Variants in SLX4 observed in about 807,000 individuals in gnomAD.
SLX4 encodes the protein structure-specific endonuclease subunit SLX4.
SLX4 carries 112 observed loss-of-function variants against 146.2 expected under a neutral mutation model. The ratio of observed to expected loss-of-function variants is 0.77; its 90% CI spans 0.66 to 0.90. The LOEUF (loss-of-function observed/expected upper bound fraction) is 0.90, where lower values mean the gene tolerates loss of function less well. SLX4 is among the 40% of genes least tolerant of loss of function. The pLI is 0.00. For synonymous variants in SLX4, 1,061 were observed against 997.7 expected (o/e 1.06, Z -1.20); for missense variants, 2,563 against 2,392.7 (o/e 1.07, Z -1.49).
intron 5 of SLX4, among the ~76,000 whole-genome samples, chr16:3,599,293 A>G (rs2040701594): frequency 6.6e-6 from 1 of 152,124 alleles, no homozygotes; most frequent in African/African-American, 2.4e-5. Flanking sequence ...GGCGGGACAA[A>G]CAGCTATCGC....
chr16:3,583,187 G>A lies in SLX4; in HGVS notation c.5063C>T (p.Pro1688Leu), dbSNP rs2151116555. Residue 1688 changes from proline to leucine, a missense_variant, in exon 14 of 15, where the codon CCA (proline) becomes CTA (leucine). Transcript: ENST00000294008. ...PSRSPTKEAP[P>L]GLNDDAQIPA... Reference sequence around the variant, plus strand: ...GATCTGGGCGTCATCATTGAGGCCTGGAGGTGCCTCCTTGGTGGGCGACCT... The same window carrying A: ...GATCTGGGCGTCATCATTGAGGCCTAGAGGTGCCTCCTTGGTGGGCGACCT... 1.2e-6 allele frequency: 2 copies of A among 1,614,222 alleles called. No individual in the cohort carries two copies. Among genetic ancestry groups the A allele is most frequent in the Non-Finnish European group, 8.5e-7 (1 of 1,180,028 alleles).
At chr16:3,600,181 C>T (rs924863634) in intron 5 of SLX4, among the ~76,000 whole-genome samples, 1 of 152,226 alleles carries the variant, frequency 6.6e-6, no homozygotes, top group African/African-American at 2.4e-5. Flanking sequence ...AGATTCCATG[C>T]ATGTGCGGCT....
At position 3,591,006 on chromosome 16, in the gene SLX4, C is replaced by T. The variant is rs1482431209; in HGVS notation, c.2632G>A (p.Asp878Asn). The change falls in exon 12 of 15, where the codon GAC becomes AAC. Residue 878 changes from aspartate (D) to asparagine (N), a missense_variant. By Grantham distance (23) the Asp-to-Asn change is conservative (BLOSUM62 1). Coordinates refer to ENST00000294008, the MANE Select transcript of SLX4 (RefSeq NM_032444.4). The stretch of plus-strand genomic sequence containing the variant: ...ACCGGACTGCCACCCTCCAGCCAGT[C>T]AGCGTCCTCGCCGGCACCCGCTGCC... The part of the protein sequence containing the change: ...ERAAGAGEDA[D>N]WLEGGSPVSG... The T allele has an allele frequency of 2.5e-6, 4 of 1,614,094 alleles. No individual in the cohort carries two copies. Among genetic ancestry groups the T allele is most frequent in the Non-Finnish European group, 3.4e-6 (4 of 1,180,060 alleles).
chr16:3,582,390 C>T lies in SLX4; in HGVS notation c.5457G>A (p.Gln1819=), dbSNP rs1471160430. The part of the protein sequence containing the change: ...TTAATRREKL[Q]GRRRQPRGKK... ...TGCCCCGAGGCTGCCGCCTCCTGCCCTGGAGCTTCTCCCTGCGGGTGGCGG... is the reference window on the plus strand; with the variant it reads ...TGCCCCGAGGCTGCCGCCTCCTGCCTTGGAGCTTCTCCCTGCGGGTGGCGG... The change falls in exon 15 of 15, where the codon CAG becomes CAA. Residue 1819 remains glutamine, a synonymous_variant. Coordinates refer to ENST00000294008, the MANE Select transcript of SLX4 (RefSeq NM_032444.4). 2.9e-5 allele frequency: 46 copies of T among 1,613,760 alleles called. No homozygotes were observed. The highest frequency in any genetic ancestry group is 1.7e-4 in the Middle Eastern group (1 of 6,008).
intron 3 of SLX4, 34 bp downstream of exon 3, chr16:3,606,440 C>A: frequency 6.2e-7 from 1 of 1,608,234 alleles, no homozygotes; most frequent in East Asian, 2.2e-5. Flanking sequence ...ATTAACTTAT[C>A]TCTGTGTGGA....
rs779865784 is a variant in SLX4, at chr16:3,590,156, A to G, written c.3482T>C (p.Leu1161Pro). 6.8e-6 allele frequency: 11 copies of G among 1,614,088 alleles called. No homozygotes were observed. The highest frequency in any genetic ancestry group is 2.7e-5 in the African/African-American group (2 of 74,922). ...CTTCATTTTGGTTTGTTCTAGCTCC[A>G]GCTCCTCATCCGAGTCCAGTAAGAG... Reference protein sequence around the residue: ...VILLLDSDEELELEQTKMKSI... With the variant: ...VILLLDSDEEPELEQTKMKSI... Residue 1161 changes from leucine (L) to proline (P), a missense_variant, in exon 12 of 15, where the codon CTG becomes CCG. Physicochemically the swap from Leu to Pro is moderately conservative, Grantham distance 98 (BLOSUM62 -3). Coordinates refer to ENST00000294008, the MANE Select transcript of SLX4 (RefSeq NM_032444.4). The surrounding 1 kb of genome is among the most constrained non-coding windows in gnomAD (Gnocchi z 4.8).
chr16:3,590,304 T>C lies in SLX4; in HGVS notation c.3334A>G (p.Lys1112Glu), dbSNP rs570382990. ...ERRSVLECRN[K>E]GVLMFPEKSP... ...TTTTCTGGGAACATCAGGACCCCCTTATTTCTGCACTCCAGCACGGACCGA... is the reference window on the plus strand; with the variant it reads ...TTTTCTGGGAACATCAGGACCCCCTCATTTCTGCACTCCAGCACGGACCGA... The change falls in exon 12 of 15, where the codon AAG becomes GAG. Residue 1112 changes from lysine to glutamate, a missense_variant. Physicochemically the swap from Lys to Glu is moderately conservative, Grantham distance 56. Transcript: ENST00000294008. This position sits in a 1 kb window ranked among gnomAD's most constrained non-coding sequence, Gnocchi z 4.8. The C allele has an allele frequency of 1.2e-6, 2 of 1,613,922 alleles. No individual in the cohort carries two copies. The highest frequency in any genetic ancestry group is 1.7e-6 in the Non-Finnish European group (2 of 1,179,996).
rs1158558800 is a variant in SLX4, at chr16:3,589,388, C to A, written c.4250G>T (p.Ser1417Ile). 6.3e-7 allele frequency: 1 copy of A among 1,594,996 alleles called. No homozygotes were observed. Among genetic ancestry groups the A allele is most frequent in the Admixed American group, 1.7e-5 (1 of 59,024 alleles). ...HQANRSPPLD[S>I]DPPIPIDDCC... ...GTCGTCAATTGGAATTGGGGGGTCA[C>A]TGTCCAGTGGGGGGCTTCTGTTGGC... Residue 1417 changes from serine to isoleucine, a missense_variant, in exon 12 of 15, where the codon AGT (serine) becomes ATT (isoleucine). By Grantham distance (142) the Ser-to-Ile change is moderately radical. Transcript: ENST00000294008. This position sits in a 1 kb window ranked among gnomAD's most constrained non-coding sequence, Gnocchi z 6.2.
In SLX4 at chr16:3,606,657, A is replaced by C. The variant is rs760477564; in HGVS notation, c.577T>G (p.Leu193Val). The C allele has an allele frequency of 6.2e-7, 1 of 1,614,076 alleles. No individual in the cohort carries two copies. Among genetic ancestry groups the C allele is most frequent in the Admixed American group, 1.7e-5 (1 of 59,988 alleles). ...NSDSQPPPSCLTTAVPSPSKP... is the reference protein window; with the variant it reads ...NSDSQPPPSCVTTAVPSPSKP... ...GAGGGACTTGGCACTGCTGTTGTCA[A>C]ACAGGAAGGAGGAGGCTGGGAGTCG... is the stretch of plus-strand genomic sequence containing the variant. The change falls in exon 3 of 15, where the codon TTG becomes GTG. Residue 193 changes from leucine to valine, a missense_variant. Leu to Val is a conservative substitution (Grantham distance 32, BLOSUM62 1). Transcript: ENST00000294008.
In SLX4 at chr16:3,582,337, C is replaced by T. The variant is rs765169386; in HGVS notation, c.*5G>A. 6 of 1,609,132 alleles carry T rather than the reference C, an allele frequency of 3.7e-6. No individual in the cohort carries two copies. In the Admixed American group the frequency reaches 1.0e-4, roughly 27 times the overall value. ...GCAGGTTGGGGTGGGGTCGGGATGG[C>T]CCCATCAGTTCCGCTCCACCTTCTT... On this transcript the variant is annotated 3_prime_UTR_variant, in exon 15 of 15. Coordinates refer to ENST00000294008, the MANE Select transcript of SLX4 (RefSeq NM_032444.4).
At chr16:3,596,108 C>T (rs1161201101) in intron 8 of SLX4, 45 bp downstream of exon 8, 4 of 1,535,722 alleles carry the variant, frequency 2.6e-6, no homozygotes, top group Non-Finnish European at 3.5e-6. Context: ...GGAGGGGAGG[C>T]CCGGGAGGGC....
At chr16:3,586,292 G>A (rs182536622) in intron 12 of SLX4, among the ~76,000 whole-genome samples, 108 of 152,184 alleles carry the variant, frequency 7.1e-4, no homozygotes, top group Middle Eastern at 6.8e-3. Context: ...TACCATCAGT[G>A]GGGTATTAGA....
At position 3,582,625 on chromosome 16, in the gene SLX4, C is replaced by A; in HGVS notation, c.5222G>T (p.Ser1741Ile). 1 of 1,613,610 alleles carries A rather than the reference C, an allele frequency of 6.2e-7. No homozygotes were observed. The highest frequency in any genetic ancestry group is 1.1e-5 in the South Asian group (1 of 91,088). ...AGEEEGEGEV[S>I]ASQAAVQAAD... ...CGCCTGCACGGCTGCCTGCGAGGCA[C>A]TGACCTCCCCCTCGCCCTCCTCTTC... The change falls in exon 15 of 15, where the codon AGT (serine) becomes ATT (isoleucine). Residue 1741 changes from serine (S) to isoleucine (I), a missense_variant. By Grantham distance (142) the Ser-to-Ile change is moderately radical (BLOSUM62 -2). Transcript: ENST00000294008.
rs923199206 is a variant in SLX4, at chr16:3,582,053, AAAAAG to A, written c.*284_*288del. The A allele has an allele frequency of 1.8e-5, 9 of 503,258 alleles. No homozygotes were observed. Among genetic ancestry groups the A allele is most frequent in the African/African-American group, 3.8e-5 (2 of 52,438 alleles). The allele number at this position is 503,258 out of a possible 1,614,324, so 31.2% of individuals were successfully genotyped here. ...GCACGACTGTCTCAAAAAGAAAAAA[AAAAAG>A]AAAACCAAAAAGGGAGACACACTGT... On this transcript the variant is annotated 3_prime_UTR_variant, in exon 15 of 15. Coordinates refer to ENST00000294008, the MANE Select transcript of SLX4 (RefSeq NM_032444.4).
Position 3,590,987 on chromosome 16 carries a change from C to T in SLX4, c.2651G>A (p.Ser884Asn). The part of the protein sequence containing the change: ...GEDADWLEGG[S>N]PVSGQLLAGV... ...TGCTAGGAGTTGCCCAGAAACCGGA[C>T]TGCCACCCTCCAGCCAGTCAGCGTC... Residue 884 changes from serine (S) to asparagine (N), a missense_variant, in exon 12 of 15, where the codon AGT becomes AAT. Ser to Asn is a conservative substitution (Grantham distance 46). Coordinates refer to ENST00000294008, the MANE Select transcript of SLX4 (RefSeq NM_032444.4). The surrounding 1 kb of genome is among the most constrained non-coding windows in gnomAD (Gnocchi z 4.8). 2 of 1,614,230 alleles carry T rather than the reference C, an allele frequency of 1.2e-6. No individual in the cohort carries two copies. Among genetic ancestry groups the T allele is most frequent in the South Asian group, 1.1e-5 (1 of 91,090 alleles).
chr16:3,600,257 GC>G (rs2040711376), intron 5 of SLX4, among the ~76,000 whole-genome samples: 1 of 152,212 alleles, frequency 6.6e-6, no homozygotes, highest in Non-Finnish European at 1.5e-5. Flanking sequence ...CGGAGCTCAG[GC>G]AGTAAAGCTT....
rs142040192 is a variant in SLX4 at position 3,589,698 on chromosome 16, G to C, written c.3940C>G (p.Gln1314Glu). The change falls in exon 12 of 15, where the codon CAG becomes GAG. Residue 1314 changes from glutamine (Q) to glutamate (E), a missense_variant. Coordinates refer to ENST00000294008, the MANE Select transcript of SLX4 (RefSeq NM_032444.4). This position sits in a 1 kb window ranked among gnomAD's most constrained non-coding sequence, Gnocchi z 6.2. ...VAQKFSVIRP[Q>E]TPPPQTPSSC... ...GACGGTGTCTGGGGCGGTGGTGTCT[G>C]GGGCCTGATGACAGAAAACTTCTGT... 6.2e-7 allele frequency: 1 copy of C among 1,613,880 alleles called. No homozygotes were observed. The highest frequency in any genetic ancestry group is 8.5e-7 in the Non-Finnish European group (1 of 1,180,038).
rs367969171 is a variant in SLX4, at chr16:3,610,148, A to C, written c.-602-582T>G. 2.0e-5 allele frequency among the ~76,000 whole-genome samples: 3 copies of C among 152,328 alleles called. No homozygotes were observed. The South Asian group carries it at 6.2e-4, about 32-fold the overall frequency. ...CAGCTAAGTGGGGTTCAAAAATCAA[A>C]ACTGAATGACCCAATGGCAGAAAGT... On this transcript the variant is annotated intron_variant, in intron 1 of 14. Transcript: ENST00000294008.
intron 10 of SLX4, among the ~76,000 whole-genome samples, chr16:3,593,892 GAC>G (rs2040619490): frequency 6.6e-6 from 1 of 152,058 alleles, no homozygotes; most frequent in Non-Finnish European, 1.5e-5. Flanking sequence ...TTGTTTTTGA[GAC>G]AGAGTCTTGC....
Sources: allele counts gnomAD v4.1 joint callset (sites outside exome capture counted in the v4.1 genomes callset), GRCh38; gene constraint gnomAD v4.1.1; non-coding constraint Gnocchi (gnomAD v3.1); transcripts MANE v1.5; gene names NCBI Gene and HGNC (gene_info 2026-07-23, HGNC 2026-07-21).